KCNAB1: variants seen among roughly 807,000 people sequenced by gnomAD.
KCNAB1 encodes the protein potassium voltage-gated channel subfamily A regulatory beta subunit 1.
Under a neutral mutation model 64.6 loss-of-function variants are expected in KCNAB1, and 35 were observed. The observed-to-expected ratio is 0.54, with a 90% CI of 0.41 to 0.72. The LOEUF is 0.72. Among genes scored for constraint, KCNAB1 ranks in the 30% least tolerant of loss-of-function variants. The pLI is 0.00. For synonymous variants in KCNAB1, 177 were observed against 183.8 expected (o/e 0.96, Z 0.30); for missense variants, 401 against 512.9 (o/e 0.78, Z 2.11).
At chr3:156,270,225 T>G (rs1041256696) in intron 1 of KCNAB1, among the ~76,000 whole-genome samples, 3 of 152,302 alleles carry the variant, frequency 2.0e-5, no homozygotes, top group African/African-American at 7.2e-5. Flanking sequence ...CATATCTTTT[T>G]TAATCCATCG....
chr3:156,302,614 G>A (rs1277987577), intron 1 of KCNAB1, among the ~76,000 whole-genome samples: 1 of 152,204 alleles, frequency 6.6e-6, no homozygotes, highest in Non-Finnish European at 1.5e-5. Flanking sequence ...TTTACATTGT[G>A]TGGCTACAGT....
At chr3:156,191,238 G>A (rs1489569186) in intron 1 of KCNAB1, among the ~76,000 whole-genome samples, 1 of 152,266 alleles carries the variant, frequency 6.6e-6, no homozygotes, top group African/African-American at 2.4e-5. Flanking sequence ...CTGTGCAGCA[G>A]CCTTACAAGA....
intron 4 of KCNAB1, among the ~76,000 whole-genome samples, chr3:156,458,062 AT>A (rs1391332797): frequency 6.6e-6 from 1 of 152,188 alleles, no homozygotes; most frequent in Non-Finnish European, 1.5e-5. Context: ...CAAAGTCAGG[AT>A]CCCCCAAGAT....
intron 1 of KCNAB1, among the ~76,000 whole-genome samples, chr3:156,180,769 A>G (rs1372675690): frequency 1.3e-5 from 2 of 152,208 alleles, no homozygotes; most frequent in East Asian, 1.9e-4. Context: ...ATAGGCAAAT[A>G]AGCTAAGCAG....
At chr3:156,264,841 C>G (rs1343307317) in intron 1 of KCNAB1, among the ~76,000 whole-genome samples, 1 of 152,168 alleles carries the variant, frequency 6.6e-6, no homozygotes, top group African/African-American at 2.4e-5. Context: ...ATAAAAAGCT[C>G]TTTGGTTTAA....
chr3:156,145,665 G>C (rs1714996809), intron 1 of KCNAB1, among the ~76,000 whole-genome samples: 1 of 152,056 alleles, frequency 6.6e-6, no homozygotes, highest in Non-Finnish European at 1.5e-5. Context: ...TTGTAAAGTT[G>C]AAAGAAAATG....
intron 1 of KCNAB1, among the ~76,000 whole-genome samples, chr3:156,147,940 G>GACACACACAC (rs6148150): frequency 0.02 from 2,966 of 146,084 alleles, 124 homozygotes; most frequent in African/African-American, 0.071. Context: ...CACATGCCAA[G>GACACACACAC]ACACACACAC....
At chr3:156,201,039 C>T (rs1182217256) in intron 1 of KCNAB1, among the ~76,000 whole-genome samples, 1 of 152,206 alleles carries the variant, frequency 6.6e-6, no homozygotes, top group Non-Finnish European at 1.5e-5. Flanking sequence ...ATAGCACAGT[C>T]TCTCACGGCA....
chr3:156,219,255 T>C (rs1489991390), intron 1 of KCNAB1, among the ~76,000 whole-genome samples: 4 of 151,568 alleles, frequency 2.6e-5, no homozygotes, highest in Admixed American at 6.6e-5. Context: ...ATAGAGAACA[T>C]AAATAAAATA....
intron 1 of KCNAB1, among the ~76,000 whole-genome samples, chr3:156,332,514 C>G (rs1723409562): frequency 6.6e-6 from 1 of 152,124 alleles, no homozygotes; most frequent in African/African-American, 2.4e-5. Flanking sequence ...TTAGTTTCAA[C>G]CAGTATTTGC....
chr3:156,265,669 G>C (rs746097961), intron 1 of KCNAB1, among the ~76,000 whole-genome samples: 30 of 152,316 alleles, frequency 2.0e-4, no homozygotes, highest in Middle Eastern at 3.4e-3. Context: ...TTGGATGGTA[G>C]ATCCCAAAAG....
chr3:156,284,837 C>T (rs541385478), intron 1 of KCNAB1, among the ~76,000 whole-genome samples: 8 of 152,312 alleles, frequency 5.3e-5, no homozygotes, highest in Admixed American at 2.0e-4. Flanking sequence ...GCGCACGATG[C>T]GCGCACCCAC....
intron 1 of KCNAB1, among the ~76,000 whole-genome samples, chr3:156,274,333 C>T (rs577476232): frequency 1.3e-5 from 2 of 152,340 alleles, no homozygotes; most frequent in South Asian, 2.1e-4. Flanking sequence ...TCCTGCCCTG[C>T]TCTGTAACCA....
At chr3:156,464,116 C>T (rs1386714806) in intron 6 of KCNAB1, among the ~76,000 whole-genome samples, 5 of 152,164 alleles carry the variant, frequency 3.3e-5, no homozygotes, top group Non-Finnish European at 7.3e-5. Context: ...TCAGAGACTT[C>T]TACAGAATGC....
chr3:156,332,927 A>T (rs1004221358), intron 1 of KCNAB1, among the ~76,000 whole-genome samples: 1 of 152,102 alleles, frequency 6.6e-6, no homozygotes, highest in Non-Finnish European at 1.5e-5. Flanking sequence ...TTAAATGTGA[A>T]ACTGTTCTCA....
chr3:156,533,745 G>C (rs1718862408), intron 13 of KCNAB1, among the ~76,000 whole-genome samples: 1 of 152,122 alleles, frequency 6.6e-6, no homozygotes, highest in African/African-American at 2.4e-5. Flanking sequence ...TTGGGAAAGA[G>C]AGACACCATG....
At chr3:156,502,241 G>A (rs1380068105) in intron 8 of KCNAB1, among the ~76,000 whole-genome samples, 2 of 152,052 alleles carry the variant, frequency 1.3e-5, no homozygotes, top group African/African-American at 4.8e-5. Context: ...CCTGAAAATG[G>A]GTAAAGTGGA....
intron 1 of KCNAB1, among the ~76,000 whole-genome samples, chr3:156,255,487 G>A (rs1318036253): frequency 6.6e-6 from 1 of 152,024 alleles, no homozygotes; most frequent in Non-Finnish European, 1.5e-5. Context: ...TAGTAAGCTG[G>A]CATTAAGGTT....
chr3:156,275,666 T>C (rs1474368049), intron 1 of KCNAB1, among the ~76,000 whole-genome samples: 1 of 152,158 alleles, frequency 6.6e-6, no homozygotes, highest in Non-Finnish European at 1.5e-5. Flanking sequence ...TTACCAGGAG[T>C]AGATTCCATC....
Sources: allele counts gnomAD v4.1 joint callset (sites outside exome capture counted in the v4.1 genomes callset), GRCh38; gene constraint gnomAD v4.1.1; transcripts MANE v1.5; gene names NCBI Gene and HGNC (gene_info 2026-07-23, HGNC 2026-07-21).